Variants in S100PBP observed in about 807,000 individuals in gnomAD.
S100PBP encodes S100P binding protein.
A neutral mutation model predicts 39.9 loss-of-function variants in S100PBP; 15 were observed. The ratio of observed to expected loss-of-function variants is 0.38; its 90% CI spans 0.25 to 0.58. The LOEUF is 0.58. Among genes scored for constraint, S100PBP ranks in the 20% least tolerant of loss-of-function variants. The probability of loss-of-function intolerance (pLI) is 0.70; values close to 1 mark genes in which losing one functional copy is unlikely to be tolerated. For synonymous variants in S100PBP, 178 were observed against 180.3 expected (o/e 0.99, Z 0.10); for missense variants, 504 against 487.3 (o/e 1.03, Z -0.32).
chr1:32,828,200 C>T, intron 4 of S100PBP, 119 bp downstream of exon 4: 1 of 600,624 alleles, frequency 1.7e-6, no homozygotes, highest in East Asian at 3.0e-5. Flanking sequence ...AGTAAGCAAA[C>T]TTGAAGTTCT....
At chr1:32,836,621 A>T (rs1258085302) in intron 5 of S100PBP, 8 of 909,624 alleles carry the variant, frequency 8.8e-6, no homozygotes, top group Non-Finnish European at 9.2e-6. Context: ...CTTTCATTAA[A>T]TTTTTTTTTT....
rs1640847239 is a variant in S100PBP, at chr1:32,857,190, G to A, written c.*1152G>A. The A allele has an allele frequency of 1.3e-5, 2 of 152,186 alleles. No homozygotes were observed. Among genetic ancestry groups the A allele is most frequent in the South Asian group, 2.1e-4 (1 of 4,828 alleles). 9.4% of individuals were successfully genotyped at this position (152,186 alleles called of 1,614,324 possible). The stretch of plus-strand genomic sequence containing the variant: ...TACCTAGTTTCACATGGATGCTAAC[G>A]TGGATGTAATATAGTTGTGACAGCC... On this transcript the variant is annotated 3_prime_UTR_variant, in exon 7 of 7. Transcript: ENST00000373475.
intron 5 of S100PBP, among the ~76,000 whole-genome samples, chr1:32,852,324 A>AG (rs1359309840): frequency 1.3e-5 from 2 of 152,140 alleles, no homozygotes; most frequent in African/African-American, 2.4e-5. Flanking sequence ...AAAAAAAAAA[A>AG]AGTATTTCAG....
intron 5 of S100PBP, chr1:32,836,551 A>G (rs1639827351): frequency 1.0e-6 from 1 of 982,556 alleles, no homozygotes; most frequent in Non-Finnish European, 1.2e-6. Flanking sequence ...GTAGTATATT[A>G]TGGCTTCATT....
chr1:32,846,325 A>G (rs1458675609), intron 5 of S100PBP, among the ~76,000 whole-genome samples: 1 of 148,274 alleles, frequency 6.7e-6, no homozygotes, highest in East Asian at 2.0e-4. Context: ...TAAATGTCTT[A>G]TAGAGAGCAT....
chr1:32,839,816 C>A (rs142695524), intron 5 of S100PBP, among the ~76,000 whole-genome samples: 1 of 152,118 alleles, frequency 6.6e-6, no homozygotes, highest in East Asian at 1.9e-4. Flanking sequence ...AGACTATTTT[C>A]TTTTACTTAT....
chr1:32,848,031 A>G (rs1351682980), intron 5 of S100PBP, among the ~76,000 whole-genome samples: 3 of 152,178 alleles, frequency 2.0e-5, no homozygotes, highest in Non-Finnish European at 4.4e-5. Flanking sequence ...GCCTCTAACT[A>G]GGTGCTGCAG....
chr1:32,850,260 A>G (rs1427916244), intron 5 of S100PBP, among the ~76,000 whole-genome samples: 2 of 152,226 alleles, frequency 1.3e-5, no homozygotes, highest in African/African-American at 2.4e-5. Flanking sequence ...ATTTCCATAT[A>G]TTGCTAGCCC....
At chr1:32,836,670 C>A in intron 5 of S100PBP, 1 of 691,974 alleles carries the variant, frequency 1.4e-6, no homozygotes, top group Non-Finnish European at 1.8e-6. Flanking sequence ...TCTACTGCTC[C>A]AATTTGCACT....
intron 5 of S100PBP, among the ~76,000 whole-genome samples, chr1:32,837,804 C>G (rs943111306): frequency 2.6e-5 from 4 of 151,820 alleles, no homozygotes; most frequent in African/African-American, 7.3e-5. Context: ...TGAAATTCAT[C>G]CATGTTGCAT....
At chr1:32,848,635 A>G (rs1640483513) in intron 5 of S100PBP, among the ~76,000 whole-genome samples, 1 of 152,186 alleles carries the variant, frequency 6.6e-6, no homozygotes, top group Non-Finnish European at 1.5e-5. Flanking sequence ...GTGGGTGGTA[A>G]AAAGTATTAT....
At chr1:32,843,914 CT>C (rs908235217) in intron 5 of S100PBP, among the ~76,000 whole-genome samples, 1 of 150,468 alleles carries the variant, frequency 6.6e-6, no homozygotes, top group Non-Finnish European at 1.5e-5. Context: ...CCCTTGTTGA[CT>C]TTTTTTTTCT....
chr1:32,817,387 G>A, upstream of S100PBP: 3 of 1,029,792 alleles, frequency 2.9e-6, no homozygotes, highest in South Asian at 2.7e-5. Context: ...ACTCGGCCTG[G>A]ACCCCTCCGG....
upstream of S100PBP, chr1:32,817,139 C>CCT (rs1444140122): frequency 6.2e-7 from 1 of 1,610,722 alleles, no homozygotes; most frequent in Admixed American, 1.7e-5. Flanking sequence ...AATCACTGAA[C>CCT]CTCGGGCTCC....
chr1:32,838,214 G>A (rs1056910048), intron 5 of S100PBP, among the ~76,000 whole-genome samples: 11 of 151,496 alleles, frequency 7.3e-5, no homozygotes, highest in African/African-American at 2.2e-4. Context: ...GGCTCCTGTA[G>A]TCTCAGCTAC....
At chr1:32,822,552 CAG>C (rs1639123028) in intron 1 of S100PBP, among the ~76,000 whole-genome samples, 1 of 142,468 alleles carries the variant, frequency 7.0e-6, no homozygotes, top group Admixed American at 7.7e-5. Context: ...GGGAGGCAGA[CAG>C]AGCTTGCAGT....
chr1:32,841,729 CAAAAA>C, intron 5 of S100PBP, among the ~76,000 whole-genome samples: 1 of 55,172 alleles, frequency 1.8e-5, no homozygotes, highest in East Asian at 6.5e-4. Context: ...AACTCTGTCT[CAAAAA>C]AAAAAAAAAA....
chr1:32,858,240 CTG>C lies in S100PBP; in HGVS notation c.*2203_*2204del, dbSNP rs1557522616. On this transcript the variant is annotated 3_prime_UTR_variant, in exon 7 of 7. Coordinates refer to ENST00000373475, the MANE Select transcript of S100PBP (RefSeq NM_022753.4). Reference sequence around the variant, plus strand: ...CCTCCTGGTACATGGGGTTTTAAGACTGAATGTGTAATAGGAGCACTGCCTTT... The same window carrying C: ...CCTCCTGGTACATGGGGTTTTAAGACAATGTGTAATAGGAGCACTGCCTTT... The C allele has an allele frequency of 6.6e-6, 1 of 152,638 alleles. No individual in the cohort carries two copies. Among genetic ancestry groups the C allele is most frequent in the East Asian group, 1.9e-4 (1 of 5,202 alleles). The allele number at this position is 152,638 out of a possible 1,614,324, so 9.5% of individuals were successfully genotyped here. A position where few individuals can be genotyped will look rare whatever the true frequency, so the allele number is the denominator to read the frequency against.
intron 5 of S100PBP, chr1:32,834,021 C>A: frequency 3.1e-6 from 1 of 326,970 alleles, no homozygotes; most frequent in Non-Finnish European, 6.4e-6. Context: ...ATGTACAATT[C>A]TTATTTCTAT....
Sources: gnomAD v4.1 joint callset for allele counts (sites outside exome capture counted in the v4.1 genomes callset) on GRCh38, gnomAD v4.1.1 for gene constraint, MANE v1.5 for transcripts, NCBI Gene and HGNC (gene_info 2026-07-23, HGNC 2026-07-21) for gene names.